EYS: variants seen among roughly 807,000 people sequenced by gnomAD.
EYS encodes EGF-like photoreceptor maintenance factor.
In EYS, 250 loss-of-function variants were observed where a neutral mutation model predicts 282.1. The observed-to-expected ratio is 0.89, with a 90% CI of 0.80 to 0.98. EYS has a LOEUF of 0.98. Among genes scored for constraint, EYS ranks in the 50% least tolerant of loss-of-function variants. The probability of loss-of-function intolerance (pLI) is 0.00; values close to 1 mark genes in which losing one functional copy is unlikely to be tolerated. For missense variants in EYS, 4,016 were observed against 3,709.0 expected (o/e 1.08, Z -2.15); for synonymous variants, 1,355 against 1,282.9 (o/e 1.06, Z -1.20).
chr6:65,123,455 A>G (rs1437387736), intron 12 of EYS, among the ~76,000 whole-genome samples: 4 of 152,130 alleles, frequency 2.6e-5, no homozygotes, highest in Admixed American at 1.3e-4. Flanking sequence ...TATGGACAGA[A>G]TATATAAGGA....
At chr6:64,312,209 A>G (rs1207750661) in intron 29 of EYS, among the ~76,000 whole-genome samples, 1 of 151,998 alleles carries the variant, frequency 6.6e-6, no homozygotes, top group Non-Finnish European at 1.5e-5. Flanking sequence ...GGCTTCGGCC[A>G]TTACTGAGGC....
At position 63,977,784 on chromosome 6, in the gene EYS, A is replaced by G. The variant is rs117660389; in HGVS notation, c.7055+6599T>C. ...ACCATAATGGCACCAGCTCATAAGA[A>G]AACCTTTCGATATTTTTCAGTCAAA... On this transcript the variant is annotated intron_variant, in intron 35 of 42. Transcript: ENST00000503581. Among the ~76,000 whole-genome samples, 245 of 152,106 alleles carry G rather than the reference A, an allele frequency of 1.6e-3. 2 individuals carry two copies. In the East Asian group the frequency reaches 0.035, roughly 22 times the overall value.
intron 2 of EYS, among the ~76,000 whole-genome samples, chr6:65,504,542 G>A (rs1023309549): frequency 2.6e-5 from 4 of 151,634 alleles, no homozygotes; most frequent in Admixed American, 2.6e-4. Flanking sequence ...TTTTACAGAT[G>A]TTCTTTACTA....
At chr6:65,467,188 G>A (rs981953920) in intron 5 of EYS, among the ~76,000 whole-genome samples, 2 of 152,116 alleles carry the variant, frequency 1.3e-5, no homozygotes, top group African/African-American at 4.8e-5. Context: ...ATATCAGTCT[G>A]TAGTGAAGAA....
chr6:64,049,407 C>A (rs951626020), intron 33 of EYS, among the ~76,000 whole-genome samples: 4 of 152,186 alleles, frequency 2.6e-5, no homozygotes, highest in African/African-American at 9.7e-5. Flanking sequence ...CTTTAGCATG[C>A]TTATCACTAC....
chr6:63,852,933 C>A (rs546734531), intron 36 of EYS, among the ~76,000 whole-genome samples: 4 of 152,114 alleles, frequency 2.6e-5, no homozygotes, highest in Admixed American at 6.5e-5. Flanking sequence ...AAATTCAACA[C>A]CCCTTCATGC....
At chr6:64,956,412 C>T (rs528199779) in intron 14 of EYS, among the ~76,000 whole-genome samples, 1 of 152,244 alleles carries the variant, frequency 6.6e-6, no homozygotes, top group African/African-American at 2.4e-5. Flanking sequence ...AACTGGATGC[C>T]TATCTCTCAT....
At chr6:65,616,062 C>CATT (rs1346497253) in intron 2 of EYS, among the ~76,000 whole-genome samples, 1 of 128,262 alleles carries the variant, frequency 7.8e-6, no homozygotes, top group African/African-American at 2.4e-5. Flanking sequence ...TAGCATCAAG[C>CATT]ATTAAACATT....
At chr6:65,674,036 C>A (rs1437866867) in intron 1 of EYS, among the ~76,000 whole-genome samples, 1 of 151,782 alleles carries the variant, frequency 6.6e-6, no homozygotes, top group Non-Finnish European at 1.5e-5. Context: ...TTAAATAATT[C>A]TCTAGAAGAA....
At chr6:63,796,167 A>G (rs1770639754) in intron 37 of EYS, among the ~76,000 whole-genome samples, 1 of 152,176 alleles carries the variant, frequency 6.6e-6, no homozygotes, top group Non-Finnish European at 1.5e-5. Context: ...CTCACTAATC[A>G]TTGTGTGTTG....
intron 5 of EYS, among the ~76,000 whole-genome samples, chr6:65,406,344 G>GT (rs1766739744): frequency 6.6e-6 from 1 of 151,972 alleles, no homozygotes; most frequent in Non-Finnish European, 1.5e-5. Flanking sequence ...TATGATATAC[G>GT]TGATTTGGCT....
chr6:64,494,165 T>C (rs1462896315), intron 26 of EYS, among the ~76,000 whole-genome samples: 1 of 151,590 alleles, frequency 6.6e-6, no homozygotes, highest in African/African-American at 2.4e-5. Context: ...CATGCTATCC[T>C]CATTGTCTCA....
At chr6:64,929,149 TC>T in intron 15 of EYS, among the ~76,000 whole-genome samples, 1 of 152,098 alleles carries the variant, frequency 6.6e-6, no homozygotes, top group East Asian at 1.9e-4. Flanking sequence ...AGGACCACTG[TC>T]TTTTAAAAAG....
intron 2 of EYS, among the ~76,000 whole-genome samples, chr6:65,579,541 G>A (rs762861664): frequency 1.3e-5 from 2 of 152,054 alleles, no homozygotes; most frequent in Non-Finnish European, 2.9e-5. Flanking sequence ...TGAGATCAGG[G>A]TGCCAGCACG....
At chr6:65,694,538 C>T (rs1378680777) in intron 1 of EYS, among the ~76,000 whole-genome samples, 3 of 149,528 alleles carry the variant, frequency 2.0e-5, no homozygotes, top group South Asian at 2.2e-4. Flanking sequence ...AAGCAGAGAT[C>T]GCCCTTGTGT....
At chr6:64,510,608 G>T (rs1004648680) in intron 26 of EYS, among the ~76,000 whole-genome samples, 3 of 151,926 alleles carry the variant, frequency 2.0e-5, no homozygotes, top group African/African-American at 7.2e-5. Context: ...CTATTAGTGC[G>T]CTGCACAAAA....
intron 15 of EYS, among the ~76,000 whole-genome samples, chr6:64,925,855 C>T (rs995776821): frequency 6.6e-6 from 1 of 152,054 alleles, no homozygotes; most frequent in African/African-American, 2.4e-5. Context: ...GCATGTGGGC[C>T]CCTAATGGTG....
chr6:65,596,260 T>C (rs541968297), intron 2 of EYS, among the ~76,000 whole-genome samples: 1 of 152,224 alleles, frequency 6.6e-6, no homozygotes, highest in South Asian at 2.1e-4. Flanking sequence ...AAAACTGAAC[T>C]ACATTCACAA....
Position 65,333,606 on chromosome 6 carries a change from G to A in EYS, c.1766+1374C>T, listed in dbSNP as rs9363345. ...TATCTTAGTTGATTTATAGCCAAGT[G>A]TTATATCTGCTATTGAAAGTAGAAT... On this transcript the variant is annotated intron_variant, in intron 11 of 42. Transcript: ENST00000503581. Among the ~76,000 whole-genome samples, 68 of 151,544 alleles carry A rather than the reference G, an allele frequency of 4.5e-4. 1 individual carries two copies. In the East Asian group the frequency reaches 0.013, roughly 28 times the overall value.
Sources: gnomAD v4.1 joint callset for allele counts (sites outside exome capture counted in the v4.1 genomes callset) on GRCh38, gnomAD v4.1.1 for gene constraint, MANE v1.5 for transcripts, NCBI Gene and HGNC (gene_info 2026-07-23, HGNC 2026-07-21) for gene names.